PHF6: variants seen among roughly 807,000 people sequenced by gnomAD.
The protein encoded by PHF6 is PHD finger protein 6.
A neutral mutation model predicts 34.0 loss-of-function variants in PHF6; 7 were observed. That is an observed-to-expected ratio of 0.21 (90% CI 0.12 to 0.39). The LOEUF (loss-of-function observed/expected upper bound fraction) is 0.39. PHF6 is among the 10% of genes least tolerant of loss of function. The pLI is 1.00. For missense variants in PHF6, 128 were observed against 262.8 expected, an observed-to-expected ratio of 0.49 and a Z score of 3.55; for synonymous variants, 89 against 88.4, an observed-to-expected ratio of 1.01 and a Z score of -0.04.
intron 3 of PHF6, among the ~76,000 whole-genome samples, chrX:134,384,843 C>T (rs780793055): frequency 4.5e-5 from 5 of 109,960 alleles, no homozygotes; most frequent in Non-Finnish European, 9.5e-5. Context: ...AGTAGAGACG[C>T]GGTTTCACCG....
rs1251159555 is a variant in PHF6 at position 134,427,140 on chromosome X, C to G, written c.*1480C>G. The G allele has an allele frequency of 1.2e-5, 2 of 163,319 alleles. No homozygotes were observed. The highest frequency in any genetic ancestry group is 3.2e-4 in the South Asian group (1 of 3,112). The allele number at this position is 163,319 out of a possible 1,213,427, so 13.5% of individuals were successfully genotyped here. A position where few individuals can be genotyped will look rare whatever the true frequency, so the allele number is the denominator to read the frequency against. Reference sequence around the variant, plus strand: ...ACACATTTACTTAAATCAAGGGACTCAATGCTTGCTTTTATTTTAACCATC... The same window carrying G: ...ACACATTTACTTAAATCAAGGGACTGAATGCTTGCTTTTATTTTAACCATC... On this transcript the variant is annotated 3_prime_UTR_variant, in exon 11 of 11. Transcript: ENST00000370803.
rs371266867 is a variant in PHF6 at position 134,415,072 on chromosome X, C to T, written c.786C>T (p.Asp262=). The T allele has an allele frequency of 8.3e-7, 1 of 1,210,552 alleles. No individual in the cohort carries two copies. ...LTTTSRAEFG[D]FDIKTVLQEI... is the part of the protein sequence containing the mutation. ...CAACATCAAGAGCAGAATTTGGAGA[C>T]TTTGATATTAAAACTGTACTTCAGG... Residue 262 remains aspartate, a synonymous_variant, in exon 8 of 11, where the codon GAC becomes GAT. Transcript: ENST00000370803.
intron 3 of PHF6, among the ~76,000 whole-genome samples, chrX:134,385,216 G>A (rs993867279): frequency 1.8e-5 from 2 of 110,895 alleles, no homozygotes; most frequent in Non-Finnish European, 1.9e-5. Flanking sequence ...TCCCCGCTGC[G>A]GTGCCTGTAC....
intron 5 of PHF6, among the ~76,000 whole-genome samples, chrX:134,409,330 G>A (rs1238896355): frequency 9.0e-6 from 1 of 110,994 alleles, no homozygotes; most frequent in African/African-American, 3.3e-5. Context: ...TGTGCACGTG[G>A]GTCTGTTTTC....
intron 5 of PHF6, among the ~76,000 whole-genome samples, chrX:134,409,908 C>T (rs1321813734): frequency 3.6e-5 from 4 of 111,105 alleles, no homozygotes; most frequent in Non-Finnish European, 5.7e-5. Flanking sequence ...GAGCATGTTG[C>T]ATTTGGTTTT....
intron 10 of PHF6, 30 bp downstream of exon 10, chrX:134,425,360 G>T (rs752542780): frequency 1.7e-6 from 2 of 1,202,589 alleles, no homozygotes; most frequent in East Asian, 3.0e-5. Flanking sequence ...GGGATCTGTT[G>T]TCAGGATACA....
In PHF6 at chrX:134,381,230, A is replaced by C. The variant is rs769642669; in HGVS notation, c.240+3124A>C. Among the ~76,000 whole-genome samples, 7 of 111,180 alleles carry C rather than the reference A, an allele frequency of 6.3e-5. No individual in the cohort carries two copies. The East Asian group carries it at 2.0e-3, about 31-fold the overall frequency. ...TTAAACAACTTATATAGGGGATAGG[A>C]ATGTAACATACGTTTAGGTTTGAAA... On this transcript the variant is annotated intron_variant, in intron 3 of 10. Transcript: ENST00000370803.
rs1020341162 is a variant in PHF6, at chrX:134,426,092, T to A, written c.*432T>A. 2.1e-5 allele frequency: 2 copies of A among 97,253 alleles called. No individual in the cohort carries two copies. Among genetic ancestry groups the A allele is most frequent in the Non-Finnish European group, 3.3e-5 (2 of 60,069 alleles). 8.0% of individuals were successfully genotyped at this position (97,253 alleles called of 1,213,427 possible). ...GTGGCAGCACATGGTAATTTGTGGA[T>A]TTTTTTTTCATACTCAAGTAATGGA... is the stretch of plus-strand genomic sequence containing the variant. On this transcript the variant is annotated 3_prime_UTR_variant, in exon 11 of 11. Coordinates refer to ENST00000370803, the MANE Select transcript of PHF6 (RefSeq NM_001015877.2).
At chrX:134,380,711 C>T (rs2077303618) in intron 3 of PHF6, among the ~76,000 whole-genome samples, 1 of 111,912 alleles carries the variant, frequency 8.9e-6, no homozygotes, top group Non-Finnish European at 1.9e-5. Flanking sequence ...ATGTTTTCCT[C>T]ACCTGCAAAA....
chrX:134,378,103 G>A lies in PHF6; in HGVS notation c.237G>A (p.Lys79=), dbSNP rs2077287012. The A allele has an allele frequency of 8.6e-7, 1 of 1,167,933 alleles. No homozygotes were observed. Among genetic ancestry groups the A allele is most frequent in the African/African-American group, 1.8e-5 (1 of 56,816 alleles). Reference sequence around the variant, plus strand: ...AAAAGGAAATTAAAAGAGGCACGAAGCTGGTAAGTTGGTATTTCTGCCTCT... The same window carrying A: ...AAAAGGAAATTAAAAGAGGCACGAAACTGGTAAGTTGGTATTTCTGCCTCT... ...DVQKEIKRGT[K]LMCSLCHCPG... The change falls in exon 3 of 11, where the codon AAG becomes AAA. Residue 79 remains lysine (K), a synonymous_variant. Coordinates refer to ENST00000370803, the MANE Select transcript of PHF6 (RefSeq NM_001015877.2).
chrX:134,394,495 A>G (rs889436314), intron 5 of PHF6, among the ~76,000 whole-genome samples: 5 of 109,259 alleles, frequency 4.6e-5, no homozygotes, highest in African/African-American at 1.0e-4. Context: ...CTGAAAATCT[A>G]TCTTTAGTAA....
At chrX:134,425,116 G>T (rs746211493) in intron 9 of PHF6, 85 bp from the exon 10 acceptor site, 1 of 1,102,734 alleles carries the variant, frequency 9.1e-7, no homozygotes, top group Non-Finnish European at 1.3e-6. Flanking sequence ...TTTTAAATGG[G>T]CACTAGCCTC....
chrX:134,414,317 C>T (rs1451916477), intron 7 of PHF6, among the ~76,000 whole-genome samples: 1 of 111,197 alleles, frequency 9.0e-6, no homozygotes, highest in African/African-American at 3.3e-5. Flanking sequence ...TCACTATAAC[C>T]TAATAATTAT....
At chrX:134,412,912 C>G (rs1178694962) in intron 5 of PHF6, among the ~76,000 whole-genome samples, 1 of 111,592 alleles carries the variant, frequency 9.0e-6, no homozygotes, top group Non-Finnish European at 1.9e-5. Flanking sequence ...TTTGTTCATT[C>G]AGTTTTCATG....
In PHF6 at chrX:134,389,734, G is replaced by T. The variant is rs187521978; in HGVS notation, c.241-3767G>T. On this transcript the variant is annotated intron_variant, in intron 3 of 10. Transcript: ENST00000370803. ...CTTTTCCCTGAAACATTCTTGCCAC[G>T]TTCATTCTGTGCTCCTCCAACTGGA... Among the ~76,000 whole-genome samples the T allele has an allele frequency of 2.3e-3, 253 of 111,076 alleles. 2 individuals carry two copies. The highest frequency in any genetic ancestry group is 8.0e-3 in the African/African-American group (245 of 30,591).
chrX:134,375,636 G>A (rs945480403), intron 1 of PHF6, among the ~76,000 whole-genome samples: 2 of 111,847 alleles, frequency 1.8e-5, no homozygotes, highest in African/African-American at 6.5e-5. Flanking sequence ...CAGGATGACC[G>A]GGAGTAATGC....
rs1231783584 is a variant in PHF6, at chrX:134,379,878, A to G, written c.240+1772A>G. ...AAAATAAATGCAGATATAAAAAAGA[A>G]TGATACTTACTTGAAAGTGATTGTG... On this transcript the variant is annotated intron_variant, in intron 3 of 10. Transcript: ENST00000370803. 2.7e-5 allele frequency among the ~76,000 whole-genome samples: 3 copies of G among 112,277 alleles called. No homozygotes were observed. In the Admixed American group the frequency reaches 2.8e-4, roughly 11 times the overall value.
intron 1 of PHF6, among the ~76,000 whole-genome samples, chrX:134,377,209 C>A (rs1408650974): frequency 8.9e-6 from 1 of 111,932 alleles, no homozygotes; most frequent in Non-Finnish European, 1.9e-5. Context: ...TTCTCAATTA[C>A]TCTAAACTTC....
chrX:134,384,634 CTTCTTTCTTTCTTTCT>C (rs202210165), intron 3 of PHF6, among the ~76,000 whole-genome samples: 3 of 105,849 alleles, frequency 2.8e-5, no homozygotes, highest in Non-Finnish European at 3.9e-5. Flanking sequence ...TCTGCCTTTT[CTTCTTTCTTTCTTTCT>C]TTCTTTTTCT....
Sources: allele counts gnomAD v4.1 joint callset (sites outside exome capture counted in the v4.1 genomes callset), GRCh38; gene constraint gnomAD v4.1.1; transcripts MANE v1.5; gene names NCBI Gene and HGNC (gene_info 2026-07-23, HGNC 2026-07-21).